The following PLSCR2 variants were observed in gnomAD, a reference collection of about 807,000 sequenced individuals.
The protein encoded by PLSCR2 is phospholipid scramblase 2, also known as PL scramblase 2.
Under a neutral mutation model 25.3 loss-of-function variants are expected in PLSCR2, and 18 were observed. The ratio of observed to expected loss-of-function variants is 0.71; its 90% confidence interval spans 0.49 to 1.06. The LOEUF (loss-of-function observed/expected upper bound fraction) is 1.06. Among genes scored for constraint, PLSCR2 ranks in the 50% least tolerant of loss-of-function variants. The probability of loss-of-function intolerance (pLI) is 0.00; values close to 1 mark genes in which losing one functional copy is unlikely to be tolerated. For missense variants in PLSCR2, 243 were observed against 269.5 expected, an observed-to-expected ratio of 0.90 and a Z score of 0.69; for synonymous variants, 88 against 87.3, an observed-to-expected ratio of 1.01 and a Z score of -0.04.
chr3:146,418,711 T>G (rs2039059291), intron 2 of PLSCR2, among the ~76,000 whole-genome samples: 1 of 152,266 alleles, frequency 6.6e-6, no homozygotes, highest in African/African-American at 2.4e-5. Flanking sequence ...TCATTTTTCT[T>G]AAGGGGAAGC....
intron 1 of PLSCR2, among the ~76,000 whole-genome samples, chr3:146,480,753 T>A (rs2043101607): frequency 6.6e-6 from 1 of 152,156 alleles, no homozygotes; most frequent in African/African-American, 2.4e-5. Context: ...ATCATCCTAA[T>A]ACCAAAGCTT....
chr3:146,406,901 G>A (rs923558446), intron 2 of PLSCR2, among the ~76,000 whole-genome samples: 1 of 152,188 alleles, frequency 6.6e-6, no homozygotes, highest in Admixed American at 6.5e-5. Context: ...CCTCGAACAA[G>A]TGGCAGGATG....
upstream of PLSCR2, chr3:146,462,066 TCTGAAAGAGAC>T (rs999224065): frequency 3.1e-5 from 17 of 541,576 alleles, no homozygotes; most frequent in Middle Eastern, 9.4e-4. Context: ...TTGAAATAGT[TCTGAAAGAGAC>T]CTGATATTAA....
intron 2 of PLSCR2, among the ~76,000 whole-genome samples, chr3:146,421,907 T>G (rs1373514852): frequency 6.6e-6 from 1 of 152,092 alleles, no homozygotes; most frequent in Non-Finnish European, 1.5e-5. Context: ...TGTCCTACCT[T>G]TGTTCATTCT....
rs567151429 is a variant in PLSCR2, at chr3:146,469,785, C to G, written c.-292-9501G>C. Among the ~76,000 whole-genome samples the G allele has an allele frequency of 2.8e-3, 327 of 115,786 alleles. 1 individual carries two copies. The highest frequency in any genetic ancestry group is 4.6e-3 in the Middle Eastern group (1 of 216). The allele number at this position is 115,786 out of a possible 152,430, so 76.0% of individuals were successfully genotyped here. A position where few individuals can be genotyped will look rare whatever the true frequency, so the allele number is the denominator to read the frequency against. ...CTGGGGGCGCGACTGCACCCACCCC[C>G]CCACGCCGTGTGCGACGCGCAGCTG... On this transcript the variant is annotated intron_variant, in intron 1 of 8. Transcript: ENST00000336685.
At chr3:146,483,313 A>T (rs1428347807) in intron 1 of PLSCR2, among the ~76,000 whole-genome samples, 1 of 149,308 alleles carries the variant, frequency 6.7e-6, no homozygotes, top group Non-Finnish European at 1.5e-5. Context: ...GGATAGCATT[A>T]GGAGAAATAC....
chr3:146,405,253 AG>A (rs2038624053), intron 2 of PLSCR2, among the ~76,000 whole-genome samples: 1 of 152,198 alleles, frequency 6.6e-6, no homozygotes, highest in South Asian at 2.1e-4. Context: ...TTCCAGGTGC[AG>A]GGGCTTTAAG....
chr3:146,426,837 C>T (rs1363993416), intron 2 of PLSCR2, among the ~76,000 whole-genome samples: 1 of 152,072 alleles, frequency 6.6e-6, no homozygotes, highest in Admixed American at 6.6e-5. Context: ...CACTAAATTA[C>T]GTTTTTATGT....
At chr3:146,495,886 A>G in intron 1 of PLSCR2, 1 of 1,534,258 alleles carries the variant, frequency 6.5e-7, no homozygotes, top group African/African-American at 1.4e-5. Context: ...ACTACATGTC[A>G]TTGGCTACCT....
chr3:146,483,509 A>ATATATATATACACGTGTATATATATAT (rs1553791539), intron 1 of PLSCR2, among the ~76,000 whole-genome samples: 1 of 127,074 alleles, frequency 7.9e-6, no homozygotes, highest in Non-Finnish European at 1.7e-5. Context: ...ATATATATAT[A>ATATATATATACACGTGTATATATATAT]ATGTTACTAC....
chr3:146,424,815 T>C (rs1181931625), intron 2 of PLSCR2, among the ~76,000 whole-genome samples: 1 of 152,034 alleles, frequency 6.6e-6, no homozygotes, highest in Non-Finnish European at 1.5e-5. Context: ...ATTATCAGTT[T>C]GAGTGCACAG....
At chr3:146,461,447 C>T (rs994713361), upstream of PLSCR2, among the ~76,000 whole-genome samples, 1 of 151,872 alleles carries the variant, frequency 6.6e-6, no homozygotes, top group Non-Finnish European at 1.5e-5. Context: ...ATCAAAAAGT[C>T]AATATGCTGT....
At chr3:146,489,346 A>G (rs2043461567) in intron 1 of PLSCR2, among the ~76,000 whole-genome samples, 1 of 152,118 alleles carries the variant, frequency 6.6e-6, no homozygotes, top group South Asian at 2.1e-4. Context: ...TATTAAAAAC[A>G]GCTATGTGGG....
In PLSCR2 at chr3:146,459,801, AAG is replaced by A. The variant is rs777535307; in HGVS notation, c.57+45_57+46del. 8 of 1,326,316 alleles carry A rather than the reference AAG, an allele frequency of 6.0e-6. No individual in the cohort carries two copies. The Admixed American group carries it at 1.2e-4, about 20-fold the overall frequency. 82.2% of individuals were successfully genotyped at this position (1,326,316 alleles called of 1,614,324 possible). Reference sequence around the variant, plus strand: ...TAATTACTATGGTTCATAAACCAGAAAGAGAGTTTTTTTTTTTTTCTGAGTAT... The same window carrying A: ...TAATTACTATGGTTCATAAACCAGAAAGAGTTTTTTTTTTTTTCTGAGTAT... On this transcript the variant is annotated intron_variant, in intron 2 of 6. Transcript: ENST00000610787.
chr3:146,457,583 C>A (rs2108385168), intron 3 of PLSCR2, among the ~76,000 whole-genome samples: 1 of 152,328 alleles, frequency 6.6e-6, no homozygotes, highest in African/African-American at 2.4e-5. Flanking sequence ...CTACTGGGTT[C>A]ATCCAAACTC....
At chr3:146,457,167 T>C (rs916509060) in intron 3 of PLSCR2, among the ~76,000 whole-genome samples, 2 of 152,220 alleles carry the variant, frequency 1.3e-5, no homozygotes, top group African/African-American at 4.8e-5. Flanking sequence ...TTAATGAAAT[T>C]CATTACTCTG....
chr3:146,472,722 A>G (rs2042160088), intron 1 of PLSCR2, among the ~76,000 whole-genome samples: 1 of 152,222 alleles, frequency 6.6e-6, no homozygotes, highest in South Asian at 2.1e-4. Flanking sequence ...ATTAGGCTTC[A>G]ACATATAAAT....
Position 146,449,369 on chromosome 3 carries a change from T to C in PLSCR2, c.484-2A>G. 6.7e-7 allele frequency: 1 copy of C among 1,494,334 alleles called. No homozygotes were observed. Among genetic ancestry groups the C allele is most frequent in the Non-Finnish European group, 8.9e-7 (1 of 1,117,906 alleles). The allele number at this position is 1,494,334 out of a possible 1,614,324, so 92.6% of individuals were successfully genotyped here. A position where few individuals can be genotyped will look rare whatever the true frequency, so the allele number is the denominator to read the frequency against. The stretch of plus-strand genomic sequence containing the variant: ...AATTTGTTCATCAAGAGATGTAATC[T>C]AAATTGCAAAAAAAAAAAAAACTTA... On this transcript the variant is annotated splice_acceptor_variant, in intron 5 of 6. Transcript: ENST00000610787. LOFTEE classifies it high-confidence loss of function.
chr3:146,398,636 A>C (rs1038907895), intron 2 of PLSCR2: 1 of 151,900 alleles, frequency 6.6e-6, no homozygotes, highest in Non-Finnish European at 1.5e-5. Context: ...TTAATATGAT[A>C]TTACAACTTT....
Sources: gnomAD v4.1 joint callset for allele counts (sites outside exome capture counted in the v4.1 genomes callset) on GRCh38, gnomAD v4.1.1 for gene constraint, MANE v1.5 for transcripts, NCBI Gene and HGNC (gene_info 2026-07-23, HGNC 2026-07-21) for gene names.